Variants in ZFP1 observed in about 807,000 individuals in gnomAD.
The protein encoded by ZFP1 is ZFP1 zinc finger protein.
In ZFP1, 32 loss-of-function variants were observed where a neutral mutation model predicts 38.5. The ratio of observed to expected loss-of-function variants is 0.83; its 90% CI spans 0.63 to 1.12. ZFP1 has a LOEUF of 1.12. Among genes scored for constraint, ZFP1 ranks in the 50% most tolerant of loss-of-function variants. ZFP1 has a pLI of 0.00. For missense variants in ZFP1, 616 were observed against 480.8 expected (o/e 1.28, Z -2.63); for synonymous variants, 245 against 168.8 (o/e 1.45, Z -3.50).
chr16:75,122,336 T>G, the ZFP1 span, among the ~76,000 whole-genome samples: 8,250 of 152,160 alleles, frequency 0.054, 758 homozygotes, highest in African/African-American at 0.19. Context: ...AGTTTAGCAG[T>G]AAGGGCGGTT....
At chr16:75,157,461 C>T (rs971970007) in intron 2 of ZFP1, among the ~76,000 whole-genome samples, 1 of 151,900 alleles carries the variant, frequency 6.6e-6, no homozygotes, top group East Asian at 1.9e-4. Context: ...CCAGGCTGGT[C>T]TTGAACTCCT....
chr16:75,155,031 T>A (rs527421064), intron 2 of ZFP1, among the ~76,000 whole-genome samples: 4 of 152,268 alleles, frequency 2.6e-5, no homozygotes, highest in Non-Finnish European at 5.9e-5. Flanking sequence ...ACTCCTGGGC[T>A]CAAGTGATCC....
the ZFP1 span, among the ~76,000 whole-genome samples, chr16:75,138,433 C>A: frequency 6.6e-6 from 1 of 152,148 alleles, no homozygotes; most frequent in African/African-American, 2.4e-5. Flanking sequence ...ATAGTGGAGA[C>A]ACACCTTCAG....
chr16:75,132,898 G>A, the ZFP1 span, among the ~76,000 whole-genome samples: 1 of 151,226 alleles, frequency 6.6e-6, no homozygotes. Flanking sequence ...GACCTCAGGT[G>A]ATCCATCCAC....
At chr16:75,126,764 C>T in the ZFP1 span, among the ~76,000 whole-genome samples, 3 of 152,132 alleles carry the variant, frequency 2.0e-5, no homozygotes, top group South Asian at 4.1e-4. Context: ...GTGTTTTATA[C>T]CTTTGATATT....
intron 3 of ZFP1, among the ~76,000 whole-genome samples, chr16:75,168,147 G>A (rs2038201543): frequency 6.6e-6 from 1 of 152,172 alleles, no homozygotes; most frequent in African/African-American, 2.4e-5. Flanking sequence ...ATGAGCCAGT[G>A]TGCCTGGCCA....
At chr16:75,142,238 A>C in the ZFP1 span, among the ~76,000 whole-genome samples, 1 of 150,410 alleles carries the variant, frequency 6.6e-6, no homozygotes, top group Non-Finnish European at 1.5e-5. Context: ...GTGGTGGTGC[A>C]CACCTGTAGT....
chr16:75,154,439 A>C (rs1348358063), intron 2 of ZFP1, among the ~76,000 whole-genome samples: 2 of 152,086 alleles, frequency 1.3e-5, no homozygotes, highest in Non-Finnish European at 2.9e-5. Flanking sequence ...CATGTTTTCA[A>C]CTCATTTGGA....
chr16:75,156,630 T>C (rs1014379268), intron 2 of ZFP1, among the ~76,000 whole-genome samples: 16 of 152,140 alleles, frequency 1.1e-4, no homozygotes, highest in Admixed American at 3.3e-4. Context: ...GGGCTCAACA[T>C]AGTTGGGCCG....
At chr16:75,167,975 C>G (rs2038189737) in intron 3 of ZFP1, among the ~76,000 whole-genome samples, 1 of 152,022 alleles carries the variant, frequency 6.6e-6, no homozygotes, top group Admixed American at 6.6e-5. Flanking sequence ...TGCCTGTAAT[C>G]CCAGCTACTC....
At chr16:75,125,344 G>A in the ZFP1 span, among the ~76,000 whole-genome samples, 7 of 152,076 alleles carry the variant, frequency 4.6e-5, no homozygotes, top group South Asian at 8.3e-4. Flanking sequence ...GTTTTGTGAC[G>A]GAGTTTGGCT....
the ZFP1 span, among the ~76,000 whole-genome samples, chr16:75,129,723 A>C: frequency 4.6e-5 from 7 of 152,204 alleles, no homozygotes; most frequent in Non-Finnish European, 1.5e-5. Context: ...CCTTGGGCAC[A>C]TGTCACCAAG....
chr16:75,138,069 A>C, the ZFP1 span, among the ~76,000 whole-genome samples: 2 of 92,648 alleles, frequency 2.2e-5, no homozygotes, highest in Non-Finnish European at 3.8e-5. Context: ...ACGGAGTCTC[A>C]CTCTGTTTTC....
chr16:75,162,292 G>A (rs2037827717), intron 2 of ZFP1, among the ~76,000 whole-genome samples: 1 of 150,666 alleles, frequency 6.6e-6, no homozygotes, highest in East Asian at 2.0e-4. Flanking sequence ...TGGGCTTTTT[G>A]TATTTTTTTT....
the ZFP1 span, among the ~76,000 whole-genome samples, chr16:75,139,368 CAAAAAAAAAAA>C: frequency 1.2e-4 from 5 of 42,776 alleles, no homozygotes; most frequent in East Asian, 2.0e-3. Flanking sequence ...GACTCCATCT[CAAAAAAAAAAA>C]AAAAAAAAAA....
At chr16:75,136,169 T>A in the ZFP1 span, among the ~76,000 whole-genome samples, 1 of 152,126 alleles carries the variant, frequency 6.6e-6, no homozygotes, top group East Asian at 1.9e-4. Context: ...CAGGAAAAAA[T>A]GCAGATGGTG....
chr16:75,168,808 G>C (rs891003836), intron 3 of ZFP1, among the ~76,000 whole-genome samples: 9 of 152,148 alleles, frequency 5.9e-5, no homozygotes, highest in African/African-American at 1.9e-4. Flanking sequence ...AGTAGTCCGA[G>C]TTTAGCAAAT....
At chr16:75,167,982 A>G (rs1033932852) in intron 3 of ZFP1, among the ~76,000 whole-genome samples, 7 of 151,996 alleles carry the variant, frequency 4.6e-5, no homozygotes, top group Non-Finnish European at 1.0e-4. Flanking sequence ...AATCCCAGCT[A>G]CTCGGGAGAC....
At chr16:75,122,215 C>G in the ZFP1 span, among the ~76,000 whole-genome samples, 1 of 152,222 alleles carries the variant, frequency 6.6e-6, no homozygotes, top group South Asian at 2.1e-4. Flanking sequence ...CAGGTAGCCC[C>G]TACTGCTGTG....
Sources: gnomAD v4.1 joint callset for allele counts (sites outside exome capture counted in the v4.1 genomes callset) on GRCh38, gnomAD v4.1.1 for gene constraint, MANE v1.5 for transcripts, NCBI Gene and HGNC (gene_info 2026-07-23, HGNC 2026-07-21) for gene names.